Variants in ASB13 observed in about 807,000 individuals in gnomAD.
ASB13 encodes ankyrin repeat and SOCS box protein 13.
Under a neutral mutation model 28.8 loss-of-function variants are expected in ASB13, and 33 were observed. The observed-to-expected ratio is 1.15, with a 90% CI of 0.87 to 1.53. ASB13 has a LOEUF of 1.53. Ranked by LOEUF, ASB13 falls within the 40% of genes most tolerant of loss-of-function variation. The pLI is 0.00. For missense variants in ASB13, 414 were observed against 390.1 expected, an observed-to-expected ratio of 1.06 and a Z score of -0.52; for synonymous variants, 182 against 172.9, an observed-to-expected ratio of 1.05 and a Z score of -0.41.
chr10:5,658,412 CTT>C lies in ASB13; in HGVS notation c.44-5364_44-5363del, dbSNP rs773944185. On this transcript the variant is annotated intron_variant, in intron 1 of 5. Coordinates refer to ENST00000357700, the MANE Select transcript of ASB13 (RefSeq NM_024701.4). The surrounding 1 kb of genome is among the most constrained non-coding windows in gnomAD (Gnocchi z 4.2). ...TGCCATTGCACTACGGCCTGGGTGA[CTT>C]TGTCTGAAAAAAAAAAAAAAAACAA... 6.8e-6 allele frequency among the ~76,000 whole-genome samples: 1 copy of C among 147,534 alleles called. No individual in the cohort carries two copies. The highest frequency in any genetic ancestry group is 1.5e-5 in the Non-Finnish European group (1 of 67,364).
In ASB13 at chr10:5,661,110, G is replaced by A. The variant is rs1460388717; in HGVS notation, c.43+5399C>T. The stretch of plus-strand genomic sequence containing the variant: ...TCATCCCAGAGCCAGAGCCCCACTC[G>A]TTGGGCCCAAGTGGCAGCTCTGTGC... On this transcript the variant is annotated intron_variant, in intron 1 of 5. Transcript: ENST00000357700. This position sits in a 1 kb window ranked among gnomAD's most constrained non-coding sequence, Gnocchi z 4.9. Among the ~76,000 whole-genome samples the A allele has an allele frequency of 3.3e-5, 5 of 152,148 alleles. No homozygotes were observed. The highest frequency in any genetic ancestry group is 5.9e-5 in the Non-Finnish European group (4 of 68,024).
In ASB13 at chr10:5,650,353, G is replaced by T. The variant is rs1834965585; in HGVS notation, c.382+860C>A. Among the ~76,000 whole-genome samples, 1 of 152,162 alleles carries T rather than the reference G, an allele frequency of 6.6e-6. No homozygotes were observed. Among genetic ancestry groups the T allele is most frequent in the Admixed American group, 6.5e-5 (1 of 15,272 alleles). ...TCTGTTTTCCTGACCCTCGACATCT[G>T]CTCAGAAACCTTCAAGAGCTCCCTG... On this transcript the variant is annotated intron_variant, in intron 3 of 5. Coordinates refer to ENST00000357700, the MANE Select transcript of ASB13 (RefSeq NM_024701.4). This position sits in a 1 kb window ranked among gnomAD's most constrained non-coding sequence, Gnocchi z 6.0.
rs1554744090 is a variant in ASB13, at chr10:5,662,534, G to GGGC, written c.43+3974_43+3975insGCC. On this transcript the variant is annotated intron_variant, in intron 1 of 5. Coordinates refer to ENST00000357700, the MANE Select transcript of ASB13 (RefSeq NM_024701.4). ...GACAGACTGAGACTCTGTCGAGAAG[G>GGGC]GGGGGGGAGGGGAGGGGAGGGGAGG... Among the ~76,000 whole-genome samples the GGGC allele has an allele frequency of 5.1e-4, 15 of 29,658 alleles. 2 individuals are homozygous for GGGC. The East Asian group carries it at 6.4e-3, about 13-fold the overall frequency. The allele number at this position is 29,658 out of a possible 152,430, so 19.5% of individuals were successfully genotyped here.
chr10:5,647,989 A>G (rs111561934), intron 4 of ASB13, among the ~76,000 whole-genome samples: 5 of 151,568 alleles, frequency 3.3e-5, no homozygotes. Flanking sequence ...GCAAACACCC[A>G]CTCAGGCAAA....
rs1834816366 is a variant in ASB13, at chr10:5,642,045, C to G, written c.518-84G>C. On this transcript the variant is annotated intron_variant, in intron 4 of 5. Transcript: ENST00000357700. The surrounding 1 kb of genome is among the most constrained non-coding windows in gnomAD (Gnocchi z 4.1). ...CAATCAGGTCCGTTTCGTCACACAG[C>G]ACGGTGGCAGAAGCAATCCCCACCC... 1.5e-6 allele frequency: 2 copies of G among 1,359,422 alleles called. No individual in the cohort carries two copies. The highest frequency in any genetic ancestry group is 4.2e-5 in the Admixed American group (2 of 48,146). 84.2% of individuals were successfully genotyped at this position (1,359,422 alleles called of 1,614,324 possible).
At position 5,664,418 on chromosome 10, in the gene ASB13, C is replaced by CA. The variant is rs1835223523; in HGVS notation, c.43+2090dup. ...GGAGAACACCGAACCCACAGGTAAA[C>CA]AAAAAGAACACCCGCCATGTCCAAG... On this transcript the variant is annotated intron_variant, in intron 1 of 5. Coordinates refer to ENST00000357700, the MANE Select transcript of ASB13 (RefSeq NM_024701.4). This position sits in a 1 kb window ranked among gnomAD's most constrained non-coding sequence, Gnocchi z 4.2. Among the ~76,000 whole-genome samples, 1 of 151,646 alleles carries CA rather than the reference C, an allele frequency of 6.6e-6. No homozygotes were observed. The highest frequency in any genetic ancestry group is 1.5e-5 in the Non-Finnish European group (1 of 67,724).
rs538716633 is a variant in ASB13, at chr10:5,645,215, G to C, written c.518-3254C>G. On this transcript the variant is annotated intron_variant, in intron 4 of 5. Coordinates refer to ENST00000357700, the MANE Select transcript of ASB13 (RefSeq NM_024701.4). This position sits in a 1 kb window ranked among gnomAD's most constrained non-coding sequence, Gnocchi z 5.4. ...AACATAAACACAAATAGCTCAATAG[G>C]TGCTTGTTACCACAAGAGAAATTGA... Among the ~76,000 whole-genome samples the C allele has an allele frequency of 3.4e-4, 52 of 151,180 alleles. No individual in the cohort carries two copies. The highest frequency in any genetic ancestry group is 4.9e-4 in the Non-Finnish European group (33 of 67,844).
rs1026887892 is a variant in ASB13 at position 5,655,033 on chromosome 10, C to T, written c.44-1983G>A. Among the ~76,000 whole-genome samples the T allele has an allele frequency of 9.9e-5, 15 of 151,654 alleles. No homozygotes were observed. The highest frequency in any genetic ancestry group is 5.9e-4 in the Admixed American group (9 of 15,210). On this transcript the variant is annotated intron_variant, in intron 1 of 5. Transcript: ENST00000357700. This position sits in a 1 kb window ranked among gnomAD's most constrained non-coding sequence, Gnocchi z 6.2. ...AGGAGAATCACTTGAACCCGGGAGG[C>T]GGAGGTTGCAGCGAGCCCAGATCAC...
intron 4 of ASB13, among the ~76,000 whole-genome samples, chr10:5,646,141 C>T (rs1390611781): frequency 2.6e-5 from 4 of 152,162 alleles, no homozygotes; most frequent in South Asian, 2.1e-4. Context: ...TGCAAACTCC[C>T]GGGGAGAGCT....
At chr10:5,646,110 AC>A (rs892497323) in intron 4 of ASB13, among the ~76,000 whole-genome samples, 1 of 152,004 alleles carries the variant, frequency 6.6e-6, no homozygotes, top group Non-Finnish European at 1.5e-5. Flanking sequence ...AGCCACGTTC[AC>A]CTCTAACTCC....
Position 5,649,123 on chromosome 10 carries a change from G to T in ASB13, c.383-19C>A, listed in dbSNP as rs141933917. On this transcript the variant is annotated intron_variant, in intron 3 of 5. Transcript: ENST00000357700. This position sits in a 1 kb window ranked among gnomAD's most constrained non-coding sequence, Gnocchi z 6.4. ...GAACTCCCTTAAGATAAATGGAAAA[G>T]GGGGGGAATGTCCTTGAATACGGAC... The T allele has an allele frequency of 5.0e-6, 8 of 1,613,394 alleles. No homozygotes were observed. Among genetic ancestry groups the T allele is most frequent in the Non-Finnish European group, 6.8e-6 (8 of 1,179,698 alleles).
rs2131460301 is a variant in ASB13 at position 5,663,716 on chromosome 10, A to G, written c.43+2793T>C. The stretch of plus-strand genomic sequence containing the variant: ...ATAAACATGCTTCCTAAGCCTTTGT[A>G]ACTTGCTAATTTCCTCTGATACTTC... On this transcript the variant is annotated intron_variant, in intron 1 of 5. Transcript: ENST00000357700. The surrounding 1 kb of genome is among the most constrained non-coding windows in gnomAD (Gnocchi z 4.9). 6.6e-6 allele frequency among the ~76,000 whole-genome samples: 1 copy of G among 152,226 alleles called. No individual in the cohort carries two copies. The highest frequency in any genetic ancestry group is 2.1e-4 in the South Asian group (1 of 4,820).
At position 5,642,571 on chromosome 10, in the gene ASB13, T is replaced by TTA. The variant is rs1554829321; in HGVS notation, c.518-611_518-610insTA. The TTA allele has an allele frequency of 1.8e-5, 21 of 1,157,914 alleles. 1 individual carries two copies. The East Asian group carries it at 2.6e-4, about 14-fold the overall frequency. 71.7% of individuals were successfully genotyped at this position (1,157,914 alleles called of 1,614,324 possible). A position where few individuals can be genotyped will look rare whatever the true frequency, so the allele number is the denominator to read the frequency against. ...TCATCAAGCTGATTAAAAGTAAAGG[T>TTA]AAAAAAAAATTTTTTTTTAAAAAAA... On this transcript the variant is annotated intron_variant, in intron 4 of 5. Coordinates refer to ENST00000357700, the MANE Select transcript of ASB13 (RefSeq NM_024701.4). This position sits in a 1 kb window ranked among gnomAD's most constrained non-coding sequence, Gnocchi z 4.1.
chr10:5,641,883 T>C lies in ASB13; in HGVS notation c.596A>G (p.Glu199Gly). ...AAKVKNVDLI[E>G]MLIEFGGNIY... ...GTTGCCGCCAAACTCGATAAGCATC[T>C]CGATGAGGTCAACATTCTTGACCTT... The change falls in exon 5 of 6, where the codon GAG becomes GGG. Residue 199 changes from glutamate (E) to glycine (G), a missense_variant. Physicochemically the swap from Glu to Gly is moderately conservative, Grantham distance 98. Transcript: ENST00000357700. The surrounding 1 kb of genome is among the most constrained non-coding windows in gnomAD (Gnocchi z 8.4). 1 of 1,614,094 alleles carries C rather than the reference T, an allele frequency of 6.2e-7. No homozygotes were observed. Among genetic ancestry groups the C allele is most frequent in the Non-Finnish European group, 8.5e-7 (1 of 1,179,994 alleles).
At position 5,658,035 on chromosome 10, in the gene ASB13, A is replaced by G. The variant is rs1218625927; in HGVS notation, c.44-4985T>C. ...TGGTGGCTGTAATCCATGGTGCTTC[A>G]GTAGTGCCAGCTACTCAGAGGCTGA... On this transcript the variant is annotated intron_variant, in intron 1 of 5. Transcript: ENST00000357700. This position sits in a 1 kb window ranked among gnomAD's most constrained non-coding sequence, Gnocchi z 4.2. Among the ~76,000 whole-genome samples, 1 of 152,176 alleles carries G rather than the reference A, an allele frequency of 6.6e-6. No homozygotes were observed. Among genetic ancestry groups the G allele is most frequent in the Non-Finnish European group, 1.5e-5 (1 of 68,030 alleles).
chr10:5,643,181 A>T (rs1284823346), intron 4 of ASB13, among the ~76,000 whole-genome samples: 1 of 152,228 alleles, frequency 6.6e-6, no homozygotes, highest in Non-Finnish European at 1.5e-5. Flanking sequence ...TTCAAACCAC[A>T]AACATAAAGT....
At chr10:5,653,496 C>T (rs75846384) in intron 1 of ASB13, among the ~76,000 whole-genome samples, 1,965 of 152,312 alleles carry the variant, frequency 0.013, 23 homozygotes, top group South Asian at 0.06. Flanking sequence ...CACGCACACA[C>T]GCTCAGACCC....
rs1834829527 is a variant in ASB13 at position 5,642,745 on chromosome 10, C to T, written c.518-784G>A. Among the ~76,000 whole-genome samples, 1 of 151,472 alleles carries T rather than the reference C, an allele frequency of 6.6e-6. No homozygotes were observed. Among genetic ancestry groups the T allele is most frequent in the African/African-American group, 2.4e-5 (1 of 41,186 alleles). ...CACTGCAACCTCCGCCTCCAGGGTTCAAGCGATTCTCCTGCCTCAGCCTCC... is the reference window on the plus strand; with the variant it reads ...CACTGCAACCTCCGCCTCCAGGGTTTAAGCGATTCTCCTGCCTCAGCCTCC... On this transcript the variant is annotated intron_variant, in intron 4 of 5. Transcript: ENST00000357700. The surrounding 1 kb of genome is among the most constrained non-coding windows in gnomAD (Gnocchi z 4.1).
chr10:5,659,893 C>G lies in ASB13; in HGVS notation c.43+6616G>C, dbSNP rs1404557230. The stretch of plus-strand genomic sequence containing the variant: ...CCGCTAGGTTCTGTCCCCTGCTCCA[C>G]TTTCCAGCCCAGGACAGTGGCCTGA... On this transcript the variant is annotated intron_variant, in intron 1 of 5. Transcript: ENST00000357700. This position sits in a 1 kb window ranked among gnomAD's most constrained non-coding sequence, Gnocchi z 5.8. Among the ~76,000 whole-genome samples the G allele has an allele frequency of 6.6e-6, 1 of 152,246 alleles. No homozygotes were observed. Among genetic ancestry groups the G allele is most frequent in the Non-Finnish European group, 1.5e-5 (1 of 68,044 alleles).
Sources: gnomAD v4.1 joint callset for allele counts (sites outside exome capture counted in the v4.1 genomes callset) on GRCh38, gnomAD v4.1.1 for gene constraint, Gnocchi (gnomAD v3.1) non-coding constraint, MANE v1.5 for transcripts, NCBI Gene and HGNC (gene_info 2026-07-23, HGNC 2026-07-21) for gene names.